Variants in NUMBL observed in about 807,000 individuals in gnomAD.
The protein encoded by NUMBL is numb-like protein.
In NUMBL, 20 loss-of-function variants were observed where a neutral mutation model predicts 48.9. The ratio of observed to expected loss-of-function variants is 0.41; its 90% confidence interval spans 0.29 to 0.59. NUMBL has a LOEUF of 0.59. Ranked by LOEUF, NUMBL falls within the 20% of genes least tolerant of loss-of-function variation. The probability of loss-of-function intolerance (pLI) is 0.31; values close to 1 mark genes in which losing one functional copy is unlikely to be tolerated. For synonymous variants in NUMBL, 340 were observed against 348.7 expected, an observed-to-expected ratio of 0.98 and a Z score of 0.28; for missense variants, 660 against 846.2, an observed-to-expected ratio of 0.78 and a Z score of 2.73.
chr19:40,686,908 C>T lies in NUMBL; in HGVS notation c.109+3G>A. ...CCTGCCCTGTCCCAGGCTGGTCGCTCACCTGGCTCCGTCCTGCAGGTTTCT... is the reference window on the plus strand; with the variant it reads ...CCTGCCCTGTCCCAGGCTGGTCGCTTACCTGGCTCCGTCCTGCAGGTTTCT... On this transcript the variant is annotated splice_donor_region_variant and intron_variant, in intron 2 of 9. Transcript: ENST00000252891. 1 of 1,537,038 alleles carries T rather than the reference C, an allele frequency of 6.5e-7. No homozygotes were observed. Among genetic ancestry groups the T allele is most frequent in the Non-Finnish European group, 8.8e-7 (1 of 1,134,186 alleles).
chr19:40,683,085 C>T (rs2081914086), intron 3 of NUMBL, 117 bp from the exon 4 acceptor site: 25 of 900,148 alleles, frequency 2.8e-5, no homozygotes, highest in South Asian at 1.5e-4. Flanking sequence ...GATGTGTATG[C>T]AATCATTTAT....
intron 6 of NUMBL, among the ~76,000 whole-genome samples, chr19:40,678,096 C>A (rs1316267428): frequency 1.3e-5 from 2 of 152,038 alleles, no homozygotes; most frequent in African/African-American, 2.4e-5. Flanking sequence ...GGAGGTGGGC[C>A]TTTGAGAGAC....
intron 7 of NUMBL, among the ~76,000 whole-genome samples, chr19:40,675,142 C>CAAAAAA (rs71334931): frequency 1.3e-4 from 4 of 29,790 alleles, no homozygotes; most frequent in African/African-American, 2.4e-4. Flanking sequence ...GACTCTGTCT[C>CAAAAAA]AAAAAAAAAA....
At position 40,684,172 on chromosome 19, in the gene NUMBL, G is replaced by C. The variant is rs188193406; in HGVS notation, c.249+245C>G. 4.1e-4 allele frequency: 176 copies of C among 424,898 alleles called. 1 individual carries two copies. In the East Asian group the frequency reaches 9.2e-3, roughly 22 times the overall value. The allele number at this position is 424,898 out of a possible 1,614,324, so 26.3% of individuals were successfully genotyped here. A position where few individuals can be genotyped will look rare whatever the true frequency, so the allele number is the denominator to read the frequency against. ...CAATCTCCGCCTCCCGGGTTCAAGCGATTCTCCTGTCTCAGCCTCCCCAGT... is the reference window on the plus strand; with the variant it reads ...CAATCTCCGCCTCCCGGGTTCAAGCCATTCTCCTGTCTCAGCCTCCCCAGT... On this transcript the variant is annotated intron_variant, in intron 3 of 9. Coordinates refer to ENST00000252891, the MANE Select transcript of NUMBL (RefSeq NM_004756.5).
In NUMBL at chr19:40,681,018, A is replaced by C; in HGVS notation, c.439T>G (p.Cys147Gly). 1 of 1,614,214 alleles carries C rather than the reference A, an allele frequency of 6.2e-7. No individual in the cohort carries two copies. Among genetic ancestry groups the C allele is most frequent in the Non-Finnish European group, 8.5e-7 (1 of 1,180,024 alleles). Residue 147 changes from cysteine to glycine, a missense_variant, in exon 6 of 10, where the codon TGT becomes GGT. Around this residue, in one of 3 missense-constraint regions of NUMBL, gnomAD observed 278 missense variants for 420.6 expected, o/e 0.66. Coordinates refer to ENST00000252891, the MANE Select transcript of NUMBL (RefSeq NM_004756.5). The stretch of plus-strand genomic sequence containing the variant: ...TTGTCCAGGTTGCGGTCAGGAGCAC[A>C]AAAGGAGACCTTTTCGATGGTCTGG... ...VDQTIEKVSF[C>G]APDRNLDKAF...
At chr19:40,681,115 C>G in intron 5 of NUMBL, 58 bp from the exon 6 acceptor site, 2 of 1,574,830 alleles carry the variant, frequency 1.3e-6, no homozygotes, top group South Asian at 2.2e-5. Context: ...AGTGTTCACT[C>G]AACATTCTCT....
At position 40,684,408 on chromosome 19, in the gene NUMBL, C is replaced by G. The variant is rs2081922989; in HGVS notation, c.249+9G>C. 1.3e-6 allele frequency: 2 copies of G among 1,555,948 alleles called. No individual in the cohort carries two copies. The highest frequency in any genetic ancestry group is 2.3e-5 in the South Asian group (2 of 85,336). On this transcript the variant is annotated intron_variant, in intron 3 of 9. Coordinates refer to ENST00000252891, the MANE Select transcript of NUMBL (RefSeq NM_004756.5). ...CCTCGCCCCGCCGCACCCTGCCGCG[C>G]CCACTCACCCTGACCGGGAAGCTGC... is the stretch of plus-strand genomic sequence containing the variant.
rs1253984305 is a variant in NUMBL, at chr19:40,667,784, AC to A, written c.1513del (p.Val505CysfsTer80). 1.9e-6 allele frequency: 3 copies of A among 1,581,036 alleles called. No homozygotes were observed. On this transcript the variant is annotated frameshift_variant, in exon 10 of 10. Transcript: ENST00000252891. LOFTEE classifies it high-confidence loss of function. The surrounding 1 kb of genome is among the most constrained non-coding windows in gnomAD (Gnocchi z 6.1). ...TGAGGGTGTGATGCCCACCACGGGC[AC>A]CCGGGGCATCGGTGGGTAGCCCAAG... The part of the protein sequence containing the change: ...PGLGYPPMPR[V>X]PVVGITPSQM...
chr19:40,681,966 C>T (rs2081907590), intron 5 of NUMBL, among the ~76,000 whole-genome samples: 1 of 152,104 alleles, frequency 6.6e-6, no homozygotes, highest in Non-Finnish European at 1.5e-5. Flanking sequence ...AGCCACCGTG[C>T]CCAGCCCACA....
At chr19:40,684,354 G>A (rs2081922273) in intron 3 of NUMBL, 63 bp downstream of exon 3, 13 of 1,500,054 alleles carry the variant, frequency 8.7e-6, no homozygotes, top group East Asian at 2.5e-5. Context: ...CCGCGCACCC[G>A]CACAGCACAG....
At chr19:40,684,785 C>A in intron 2 of NUMBL, 2 of 516,922 alleles carry the variant, frequency 3.9e-6, no homozygotes, top group Non-Finnish European at 3.3e-6. Context: ...ACTGGGGATT[C>A]AGAACCATGG....
intron 3 of NUMBL, among the ~76,000 whole-genome samples, chr19:40,683,397 G>C (rs1395998775): frequency 2.0e-5 from 3 of 152,260 alleles, no homozygotes; most frequent in Non-Finnish European, 4.4e-5. Context: ...TGGGATGACT[G>C]TTGCCTCGAG....
In NUMBL at chr19:40,683,231, C is replaced by T. The variant is rs114020483; in HGVS notation, c.250-263G>A. Reference sequence around the variant, plus strand: ...CCCTAACCCGGCACCGTGGTCCTCCCGAGAGCTAGTATTTGCATCTCTGTG... The same window carrying T: ...CCCTAACCCGGCACCGTGGTCCTCCTGAGAGCTAGTATTTGCATCTCTGTG... On this transcript the variant is annotated intron_variant, in intron 3 of 9. Coordinates refer to ENST00000252891, the MANE Select transcript of NUMBL (RefSeq NM_004756.5). Among the ~76,000 whole-genome samples the T allele has an allele frequency of 9.7e-3, 1,473 of 152,298 alleles. 24 individuals carry two copies. Among genetic ancestry groups the T allele is most frequent in the African/African-American group, 0.033 (1,356 of 41,550 alleles).
At chr19:40,669,786 T>G in intron 9 of NUMBL, 112 bp downstream of exon 9, 1 of 1,405,030 alleles carries the variant, frequency 7.1e-7, no homozygotes, top group Non-Finnish European at 9.6e-7. Context: ...TGATCCATGG[T>G]TCTAAGCCTG....
chr19:40,686,380 C>T (rs1339646477), intron 2 of NUMBL, among the ~76,000 whole-genome samples: 1 of 62,308 alleles, frequency 1.6e-5, no homozygotes, highest in African/African-American at 8.4e-5. Context: ...TCTCGAACTC[C>T]TGACCTCCTG....
Position 40,667,232 on chromosome 19 carries a change from G to C in NUMBL, c.*236C>G, listed in dbSNP as rs537832317. 1 of 571,846 alleles carries C rather than the reference G, an allele frequency of 1.7e-6. No homozygotes were observed. Among genetic ancestry groups the C allele is most frequent in the East Asian group, 3.2e-5 (1 of 30,900 alleles). The allele number at this position is 571,846 out of a possible 1,614,324, so 35.4% of individuals were successfully genotyped here. On this transcript the variant is annotated 3_prime_UTR_variant, in exon 10 of 10. Transcript: ENST00000252891. The surrounding 1 kb of genome is among the most constrained non-coding windows in gnomAD (Gnocchi z 6.1). ...GGGGAAGGGGGCATTGCCAGCCTAA[G>C]TCCGGCAGTGAAATGGTTCCCTTAG... is the stretch of plus-strand genomic sequence containing the variant.
rs1359631243 is a variant in NUMBL, at chr19:40,687,288, T to C, written c.25-293A>G. On this transcript the variant is annotated intron_variant, in intron 1 of 9. Transcript: ENST00000252891. This position sits in a 1 kb window ranked among gnomAD's most constrained non-coding sequence, Gnocchi z 4.6. ...TGCCCTCCAGATGCATGTGCAGGGCTACACACATACGCAGCCAACTCATAT... is the reference window on the plus strand; with the variant it reads ...TGCCCTCCAGATGCATGTGCAGGGCCACACACATACGCAGCCAACTCATAT... Among the ~76,000 whole-genome samples the C allele has an allele frequency of 1.3e-5, 2 of 152,120 alleles. No individual in the cohort carries two copies. Among genetic ancestry groups the C allele is most frequent in the Admixed American group, 1.3e-4 (2 of 15,270 alleles).
In NUMBL at chr19:40,673,880, C is replaced by G. The variant is rs117864505; in HGVS notation, c.731-231G>C. Among the ~76,000 whole-genome samples, 2,135 of 152,234 alleles carry G rather than the reference C, an allele frequency of 0.014. 23 individuals carry two copies. The highest frequency in any genetic ancestry group is 0.028 in the Admixed American group (426 of 15,282). On this transcript the variant is annotated intron_variant, in intron 7 of 9. Coordinates refer to ENST00000252891, the MANE Select transcript of NUMBL (RefSeq NM_004756.5). The surrounding 1 kb of genome is among the most constrained non-coding windows in gnomAD (Gnocchi z 5.9). ...CCCCAGGCTCACCCTCTGTGTCTCTCCAGCTTCCTGCCCCTTTCTGTCTTG... is the reference window on the plus strand; with the variant it reads ...CCCCAGGCTCACCCTCTGTGTCTCTGCAGCTTCCTGCCCCTTTCTGTCTTG...
At chr19:40,670,055 G>A (rs758417790) in intron 8 of NUMBL, 35 bp from the exon 9 acceptor site, 3 of 1,604,190 alleles carry the variant, frequency 1.9e-6, no homozygotes, top group South Asian at 1.1e-5. Context: ...TCAGCAAACA[G>A]GCCCAGACCC....
Sources: gnomAD v4.1 joint callset for allele counts (sites outside exome capture counted in the v4.1 genomes callset) on GRCh38, gnomAD v4.1.1 for gene constraint, gnomAD v4.1.1 regional missense constraint, Gnocchi (gnomAD v3.1) non-coding constraint, MANE v1.5 for transcripts, NCBI Gene and HGNC (gene_info 2026-07-23, HGNC 2026-07-21) for gene names.